The following DMD variants were observed in gnomAD, a reference collection of about 807,000 sequenced individuals.
DMD encodes the protein dystrophin, also known as mutant dystrophin.
In DMD, 63 loss-of-function variants were observed where a neutral mutation model predicts 330.1. That is an observed-to-expected ratio of 0.19 (90% CI 0.16 to 0.24). DMD has a LOEUF of 0.24. Ranked by LOEUF, DMD falls within the 10% of genes least tolerant of loss-of-function variation. The pLI, the probability that DMD is intolerant of heterozygous loss-of-function variation, is 1.00. For synonymous variants in DMD, 1,223 were observed against 959.8 expected, an observed-to-expected ratio of 1.27 and a Z score of -5.07; for missense variants, 3,344 against 2,684.1, an observed-to-expected ratio of 1.25 and a Z score of -5.43.
At chrX:31,807,485 A>G (rs2149373109) in intron 50 of DMD, among the ~76,000 whole-genome samples, 1 of 111,007 alleles carries the variant, frequency 9.0e-6, no homozygotes, top group Non-Finnish European at 1.9e-5. Context: ...CTGTGGGAGA[A>G]TCAAGCCTAT....
In DMD at chrX:32,866,463, AT is replaced by A. The variant is rs1203013582; in HGVS notation, c.94-16644del. Among the ~76,000 whole-genome samples, 3 of 111,256 alleles carry A rather than the reference AT, an allele frequency of 2.7e-5. No individual in the cohort carries two copies. The East Asian group carries it at 8.5e-4, about 32-fold the overall frequency. On this transcript the variant is annotated intron_variant, in intron 2 of 78. Transcript: ENST00000357033. ...CACATTATAAAGATATTTATAAAATATTTTTAAAAGAGCCCTAGGAGTTTTT... is the reference window on the plus strand; with the variant it reads ...CACATTATAAAGATATTTATAAAATATTTTAAAAGAGCCCTAGGAGTTTTT...
chrX:32,993,744 A>G (rs1218637085), intron 2 of DMD, among the ~76,000 whole-genome samples: 11 of 111,383 alleles, frequency 9.9e-5, no homozygotes, highest in Non-Finnish European at 5.7e-5. Flanking sequence ...TGGATCATCA[A>G]GAGTGCTCAC....
chrX:32,774,911 C>T (rs1218776784), intron 7 of DMD, among the ~76,000 whole-genome samples: 21 of 112,070 alleles, frequency 1.9e-4, no homozygotes, highest in African/African-American at 5.2e-4. Context: ...TCATCTGAGA[C>T]AAGGCAAGTT....
intron 55 of DMD, among the ~76,000 whole-genome samples, chrX:31,604,377 C>T (rs1000950742): frequency 1.8e-5 from 2 of 110,941 alleles, no homozygotes; most frequent in African/African-American, 6.6e-5. Context: ...TTGTTTTCAA[C>T]TCTGTGATTC....
chrX:31,451,098 G>GT lies in DMD; in HGVS notation c.8938-6472dup, dbSNP rs112471415. Among the ~76,000 whole-genome samples the GT allele has an allele frequency of 6.6e-3, 480 of 72,801 alleles. 1 individual carries two copies. Among genetic ancestry groups the GT allele is most frequent in the African/African-American group, 0.012 (259 of 21,680 alleles). 63.2% of individuals were successfully genotyped at this position (72,801 alleles called of 115,157 possible). A position where few individuals can be genotyped will look rare whatever the true frequency, so the allele number is the denominator to read the frequency against. On this transcript the variant is annotated intron_variant, in intron 59 of 78. Transcript: ENST00000357033. ...TTCAGTTGTCAAGCACTTATATTTT[G>GT]TTTTTTTTTTTTTTTCAGGAGACTT...
intron 43 of DMD, among the ~76,000 whole-genome samples, chrX:32,267,952 A>C (rs761251716): frequency 2.6e-4 from 29 of 112,316 alleles, no homozygotes; most frequent in Non-Finnish European, 4.5e-4. Context: ...GTACATAGGA[A>C]TATCAAAGGT....
chrX:31,604,630 G>A (rs1383310893), intron 55 of DMD, among the ~76,000 whole-genome samples: 3 of 111,864 alleles, frequency 2.7e-5, no homozygotes. Context: ...TATGAATTTA[G>A]AATATAAAAA....
intron 61 of DMD, among the ~76,000 whole-genome samples, chrX:31,345,401 A>C (rs1232869586): frequency 8.9e-6 from 1 of 111,983 alleles, no homozygotes; most frequent in African/African-American, 3.2e-5. Flanking sequence ...AATAAAATGC[A>C]AATAACCCAG....
rs372227689 is a variant in DMD, at chrX:31,831,837, T to C, written c.7200+4881A>G. Among the ~76,000 whole-genome samples, 537 of 112,470 alleles carry C rather than the reference T, an allele frequency of 4.8e-3. 1 individual carries two copies. The highest frequency in any genetic ancestry group is 9.3e-3 in the Middle Eastern group (2 of 216). The stretch of plus-strand genomic sequence containing the variant: ...CAGGATGGTCTCGATCTCCTGACTT[T>C]GTGATCCGCCCACCTTGGCCTCCCA... On this transcript the variant is annotated intron_variant, in intron 49 of 78. Transcript: ENST00000357033.
At chrX:32,627,044 C>A (rs1407300475) in intron 11 of DMD, among the ~76,000 whole-genome samples, 1 of 103,675 alleles carries the variant, frequency 9.6e-6, no homozygotes. Context: ...ACAATTCAAT[C>A]AGAATATCTG....
chrX:33,105,552 C>T (rs2095278850), intron 1 of DMD, among the ~76,000 whole-genome samples: 1 of 111,995 alleles, frequency 8.9e-6, no homozygotes, highest in Admixed American at 9.5e-5. Flanking sequence ...ATATCTACAA[C>T]CTACAAAGAA....
At chrX:31,442,572 T>A (rs998684750) in intron 60 of DMD, among the ~76,000 whole-genome samples, 4 of 110,706 alleles carry the variant, frequency 3.6e-5, no homozygotes, top group African/African-American at 6.6e-5. Flanking sequence ...TTCTTACTAG[T>A]CATAATCCTT....
rs1254247377 is a variant in DMD, at chrX:31,206,717, G to T, written c.9564-50C>A. 10 of 1,017,185 alleles carry T rather than the reference G, an allele frequency of 9.8e-6. No individual in the cohort carries two copies. In the Middle Eastern group the frequency reaches 2.0e-3, roughly 206 times the overall value. The allele number at this position is 1,017,185 out of a possible 1,213,427, so 83.8% of individuals were successfully genotyped here. A position where few individuals can be genotyped will look rare whatever the true frequency, so the allele number is the denominator to read the frequency against. ...AACAATTACTGACCCTTTCCTAGAG[G>T]GTAAACACTTCTAGTTAAGAATAAA... On this transcript the variant is annotated intron_variant, in intron 65 of 78. Coordinates refer to ENST00000357033, the MANE Select transcript of DMD (RefSeq NM_004006.3).
At chrX:32,603,149 C>A (rs2056373151) in intron 12 of DMD, among the ~76,000 whole-genome samples, 2 of 110,643 alleles carry the variant, frequency 1.8e-5, no homozygotes, top group Middle Eastern at 4.6e-3. Context: ...TTAAAAAAAT[C>A]AAAATCATAT....
At chrX:32,207,267 C>T (rs762654436) in intron 44 of DMD, among the ~76,000 whole-genome samples, 2 of 110,742 alleles carry the variant, frequency 1.8e-5, no homozygotes, top group African/African-American at 3.3e-5. Context: ...TCCACCCTCA[C>T]GAGTGGGTTT....
chrX:32,118,132 G>C (rs766476781), intron 44 of DMD, among the ~76,000 whole-genome samples: 7 of 111,667 alleles, frequency 6.3e-5, no homozygotes, highest in Non-Finnish European at 3.8e-5. Flanking sequence ...CCAGGGACAA[G>C]AAGTATATTA....
At chrX:32,261,500 G>T (rs1031670962) in intron 43 of DMD, among the ~76,000 whole-genome samples, 3 of 112,077 alleles carry the variant, frequency 2.7e-5, no homozygotes, top group African/African-American at 9.7e-5. Flanking sequence ...AATAATGGTG[G>T]TATGTTCTTG....
intron 17 of DMD, among the ~76,000 whole-genome samples, chrX:32,522,438 G>T (rs907086869): frequency 5.4e-5 from 6 of 111,776 alleles, no homozygotes; most frequent in Non-Finnish European, 9.4e-5. Context: ...AATTTGTAAA[G>T]ATCGCATCAG....
chrX:31,809,384 G>GT (rs1420219256), intron 50 of DMD, among the ~76,000 whole-genome samples: 3 of 108,664 alleles, frequency 2.8e-5, no homozygotes, highest in Non-Finnish European at 5.7e-5. Flanking sequence ...ACAATTATGA[G>GT]TTTTTTTGAA....
Sources: gnomAD v4.1 joint callset for allele counts (sites outside exome capture counted in the v4.1 genomes callset) on GRCh38, gnomAD v4.1.1 for gene constraint, MANE v1.5 for transcripts, NCBI Gene and HGNC (gene_info 2026-07-23, HGNC 2026-07-21) for gene names.